The following PSD3 variants were observed in gnomAD, a reference collection of about 807,000 sequenced individuals.
The protein encoded by PSD3 is PH and SEC7 domain-containing protein 3.
A neutral mutation model predicts 105.5 loss-of-function variants in PSD3; 49 were observed. The ratio of observed to expected loss-of-function variants is 0.46; its 90% confidence interval spans 0.37 to 0.59. PSD3 has a LOEUF of 0.59. PSD3 is among the 20% of genes least tolerant of loss of function. The pLI, the probability that PSD3 is intolerant of heterozygous loss-of-function variation, is 0.00. For synonymous variants in PSD3, 557 were observed against 457.8 expected, an observed-to-expected ratio of 1.22 and a Z score of -2.77; for missense variants, 1,561 against 1,263.8, an observed-to-expected ratio of 1.24 and a Z score of -3.57.
At chr8:18,778,770 A>C (rs1466068020) in intron 8 of PSD3, among the ~76,000 whole-genome samples, 1 of 152,030 alleles carries the variant, frequency 6.6e-6, no homozygotes, top group African/African-American at 2.4e-5. Flanking sequence ...ATTGATTTAC[A>C]TATAATAAAC....
chr8:18,973,397 T>G (rs955466699), intron 1 of PSD3, among the ~76,000 whole-genome samples: 1 of 152,172 alleles, frequency 6.6e-6, no homozygotes, highest in Non-Finnish European at 1.5e-5. Flanking sequence ...GCCATCTGGG[T>G]TGGATTCTGG....
intron 4 of PSD3, among the ~76,000 whole-genome samples, chr8:18,864,136 T>G (rs771615392): frequency 2.0e-5 from 3 of 152,370 alleles, no homozygotes; most frequent in Non-Finnish European, 2.9e-5. Context: ...CATTTTTGTT[T>G]TGTTGAAGAT....
chr8:18,943,540 C>T (rs774490018), intron 1 of PSD3, among the ~76,000 whole-genome samples: 13 of 152,196 alleles, frequency 8.5e-5, no homozygotes, highest in Non-Finnish European at 1.5e-4. Context: ...ATGCACCCCA[C>T]AAGACATCCA....
At chr8:18,738,193 C>A (rs1408151982) in intron 9 of PSD3, among the ~76,000 whole-genome samples, 1 of 152,050 alleles carries the variant, frequency 6.6e-6, no homozygotes, top group Non-Finnish European at 1.5e-5. Context: ...TTCTGGTGAC[C>A]AATTTTGCAT....
intron 4 of PSD3, among the ~76,000 whole-genome samples, chr8:18,815,602 C>A (rs953429443): frequency 6.6e-6 from 1 of 152,114 alleles, no homozygotes; most frequent in African/African-American, 2.4e-5. Context: ...GGAGCCACTG[C>A]GTCCAGCCCC....
chr8:18,560,175 TACACAC>T (rs5889808), intron 14 of PSD3, among the ~76,000 whole-genome samples: 258 of 143,430 alleles, frequency 1.8e-3, no homozygotes, highest in East Asian at 5.4e-3. Context: ...ATACACATTT[TACACAC>T]ACACACACAC....
chr8:18,746,753 C>T (rs1447701380), intron 9 of PSD3, among the ~76,000 whole-genome samples: 3 of 152,172 alleles, frequency 2.0e-5, no homozygotes, highest in Non-Finnish European at 4.4e-5. Flanking sequence ...GTGTAAATTA[C>T]AAAATACTTA....
intron 1 of PSD3, among the ~76,000 whole-genome samples, chr8:19,061,612 T>C (rs1450082809): frequency 6.6e-6 from 1 of 152,022 alleles, no homozygotes; most frequent in African/African-American, 2.4e-5. Context: ...TCAAGACCAC[T>C]CTGACCAATG....
At chr8:18,753,327 C>T (rs189667971) in intron 9 of PSD3, among the ~76,000 whole-genome samples, 2 of 151,052 alleles carry the variant, frequency 1.3e-5, no homozygotes, top group East Asian at 1.9e-4. Flanking sequence ...GTACTCCAGC[C>T]TAGGGGACAG....
intron 1 of PSD3, among the ~76,000 whole-genome samples, chr8:19,074,664 AG>A (rs2129478097): frequency 8.5e-6 from 1 of 117,848 alleles, no homozygotes; most frequent in Non-Finnish European, 1.6e-5. Context: ...TCTGTGGCCC[AG>A]GCTGGAGTGC....
chr8:18,837,397 A>C (rs1331175129), intron 4 of PSD3, among the ~76,000 whole-genome samples: 1 of 152,206 alleles, frequency 6.6e-6, no homozygotes, highest in African/African-American at 2.4e-5. Flanking sequence ...AACGTCACTT[A>C]AAACAGGTAA....
chr8:18,636,876 C>T (rs993538220), intron 10 of PSD3, among the ~76,000 whole-genome samples: 2 of 152,162 alleles, frequency 1.3e-5, no homozygotes, highest in Non-Finnish European at 1.5e-5. Flanking sequence ...GTTCTCAGAA[C>T]ATATTACAGT....
chr8:18,540,591 C>T (rs1800100029), intron 15 of PSD3, among the ~76,000 whole-genome samples: 1 of 152,196 alleles, frequency 6.6e-6, no homozygotes, highest in Admixed American at 6.5e-5. Context: ...TTCAGAACTG[C>T]ACCATTTCTC....
At chr8:18,716,527 C>G (rs1228811909) in intron 9 of PSD3, among the ~76,000 whole-genome samples, 3 of 152,104 alleles carry the variant, frequency 2.0e-5, no homozygotes, top group Non-Finnish European at 4.4e-5. Context: ...GCCAGGGTGG[C>G]TGAAGCTTGG....
chr8:18,722,598 G>A (rs1803061262), intron 9 of PSD3, among the ~76,000 whole-genome samples: 2 of 152,142 alleles, frequency 1.3e-5, no homozygotes, highest in African/African-American at 4.8e-5. Context: ...AAGTACAGAT[G>A]TGAATAAATG....
intron 9 of PSD3, among the ~76,000 whole-genome samples, chr8:18,723,615 T>C (rs759785950): frequency 2.0e-5 from 3 of 152,172 alleles, no homozygotes; most frequent in Non-Finnish European, 2.9e-5. Flanking sequence ...GTATCTCCAG[T>C]ACCATCTCTC....
intron 2 of PSD3, among the ~76,000 whole-genome samples, chr8:18,914,881 G>T (rs530987002): frequency 6.6e-6 from 1 of 152,216 alleles, no homozygotes; most frequent in African/African-American, 2.4e-5. Flanking sequence ...AACCAAAACA[G>T]ACCCCAAATA....
Position 19,038,215 on chromosome 8 carries a change from CT to C in PSD3, c.324+45990del, listed in dbSNP as rs371329768. The stretch of plus-strand genomic sequence containing the variant: ...GCTATGAACTGATCTAACAAGGCGA[CT>C]TTAGAATACATGTCTCTTTATCAAA... On this transcript the variant is annotated intron_variant, in intron 1 of 1. Coordinates refer to the PSD3 transcript ENST00000521475. Among the ~76,000 whole-genome samples the C allele has an allele frequency of 5.0e-3, 761 of 152,240 alleles. 9 individuals are homozygous for C. Among genetic ancestry groups the C allele is most frequent in the African/African-American group, 0.018 (737 of 41,546 alleles).
At position 18,654,740 on chromosome 8, in the gene PSD3, G is replaced by C. The variant is rs367772733; in HGVS notation, c.2216+902C>G. Among the ~76,000 whole-genome samples, 399 of 152,222 alleles carry C rather than the reference G, an allele frequency of 2.6e-3. 3 individuals carry two copies. The highest frequency in any genetic ancestry group is 9.3e-3 in the African/African-American group (388 of 41,546). On this transcript the variant is annotated intron_variant, in intron 10 of 15. Transcript: ENST00000327040. ...GATAACACACATTGGCATTGGATAA[G>C]CTCCTAGAAGTTCTGAAGTTTAAAT...
Sources: allele counts gnomAD v4.1 joint callset (sites outside exome capture counted in the v4.1 genomes callset), GRCh38; gene constraint gnomAD v4.1.1; transcripts MANE v1.5; gene names NCBI Gene and HGNC (gene_info 2026-07-23, HGNC 2026-07-21).